The following STK3 variants were observed in gnomAD, a reference collection of about 807,000 sequenced individuals.
STK3 encodes serine/threonine kinase 3.
A neutral mutation model predicts 58.0 loss-of-function variants in STK3; 41 were observed. The ratio of observed to expected loss-of-function variants is 0.71; its 90% CI spans 0.55 to 0.92. The LOEUF (loss-of-function observed/expected upper bound fraction) is 0.92, where lower values mean the gene tolerates loss of function less well. STK3 is among the 40% of genes least tolerant of loss of function. The pLI, the probability that STK3 is intolerant of heterozygous loss-of-function variation, is 0.00. For missense variants in STK3, 479 were observed against 602.7 expected (o/e 0.79, Z 2.15); for synonymous variants, 170 against 191.0 (o/e 0.89, Z 0.91).
chr8:98,811,357 T>C (rs1834203617), intron 1 of STK3, among the ~76,000 whole-genome samples: 1 of 152,202 alleles, frequency 6.6e-6, no homozygotes, highest in East Asian at 1.9e-4. Flanking sequence ...GGTAGCTGTA[T>C]CACTACTAAT....
intron 3 of STK3, among the ~76,000 whole-genome samples, chr8:98,846,625 C>T (rs953061471): frequency 6.6e-5 from 10 of 152,102 alleles, no homozygotes; most frequent in Admixed American, 5.9e-4. Context: ...TTACTTAGTG[C>T]TTGAAATATC....
At chr8:98,635,457 A>G (rs1342518411) in intron 6 of STK3, among the ~76,000 whole-genome samples, 1 of 152,212 alleles carries the variant, frequency 6.6e-6, no homozygotes, top group African/African-American at 2.4e-5. Context: ...TCAAATACTC[A>G]GCAAATAAAG....
At chr8:98,517,699 C>T (rs1463726449) in intron 10 of STK3, among the ~76,000 whole-genome samples, 2 of 152,050 alleles carry the variant, frequency 1.3e-5, no homozygotes, top group Non-Finnish European at 2.9e-5. Context: ...TTACTAGTTT[C>T]CTCAATCAAT....
rs190834174 is a variant in STK3 at position 98,705,760 on chromosome 8, A to G, written c.684+707T>C. ...GCAATAAGTATACAAAGATCAGTGT[A>G]CCTATTTATGATGATGAACTTATCT... On this transcript the variant is annotated intron_variant, in intron 6 of 10. Transcript: ENST00000419617. Among the ~76,000 whole-genome samples, 55 of 152,308 alleles carry G rather than the reference A, an allele frequency of 3.6e-4. 1 individual carries two copies. The highest frequency in any genetic ancestry group is 3.4e-4 in the Non-Finnish European group (23 of 68,022).
intron 10 of STK3, among the ~76,000 whole-genome samples, chr8:98,466,566 G>A (rs977332808): frequency 1.3e-4 from 20 of 152,098 alleles, no homozygotes; most frequent in South Asian, 4.2e-4. Context: ...CCTTCTCGCC[G>A]TCTCTTTCTA....
chr8:98,548,974 T>G (rs1265117807), intron 8 of STK3, among the ~76,000 whole-genome samples: 1 of 152,186 alleles, frequency 6.6e-6, no homozygotes, highest in Admixed American at 6.5e-5. Context: ...TATTCCATTG[T>G]ATGAATACAC....
intron 10 of STK3, among the ~76,000 whole-genome samples, chr8:98,470,564 T>C (rs931559232): frequency 2.6e-5 from 4 of 152,274 alleles, no homozygotes; most frequent in Admixed American, 6.5e-5. Flanking sequence ...TGGACCAAGC[T>C]GTCAAAAGAA....
chr8:98,481,074 G>T (rs1313425312), intron 10 of STK3, among the ~76,000 whole-genome samples: 1 of 151,930 alleles, frequency 6.6e-6, no homozygotes, highest in Non-Finnish European at 1.5e-5. Context: ...TGTTGGGGAG[G>T]TGTATCAGGA....
intron 1 of STK3, among the ~76,000 whole-genome samples, chr8:98,909,205 G>A (rs1386661743): frequency 6.6e-6 from 1 of 152,122 alleles, no homozygotes; most frequent in Non-Finnish European, 1.5e-5. Flanking sequence ...TATCTTATTT[G>A]TGATATACTA....
chr8:98,744,015 T>C (rs995109333), intron 4 of STK3, among the ~76,000 whole-genome samples: 6 of 151,792 alleles, frequency 4.0e-5, no homozygotes, highest in East Asian at 3.9e-4. Flanking sequence ...GAAATGCAAA[T>C]CAAAACCACA....
At chr8:98,673,843 G>C (rs1439735672) in intron 6 of STK3, among the ~76,000 whole-genome samples, 1 of 152,164 alleles carries the variant, frequency 6.6e-6, no homozygotes, top group Non-Finnish European at 1.5e-5. Context: ...AACAATAGCA[G>C]TGATACAAAA....
At chr8:98,883,014 T>A (rs561789070), downstream of STK3, 45 of 152,354 alleles carry the variant, frequency 3.0e-4, no homozygotes, top group African/African-American at 1.0e-3. Context: ...CAGCTTGATT[T>A]GGGATGGTGA....
chr8:98,583,006 T>G (rs1814056463), intron 7 of STK3, among the ~76,000 whole-genome samples: 1 of 152,142 alleles, frequency 6.6e-6, no homozygotes, highest in African/African-American at 2.4e-5. Context: ...TTTATCAATA[T>G]TAAGTGACTC....
At chr8:98,464,054 C>T (rs1820226392) in intron 10 of STK3, among the ~76,000 whole-genome samples, 1 of 152,114 alleles carries the variant, frequency 6.6e-6, no homozygotes. Context: ...ATAAATCTTG[C>T]AGATGCTACA....
chr8:98,363,786 G>A, the STK3 span, among the ~76,000 whole-genome samples: 1 of 152,232 alleles, frequency 6.6e-6, no homozygotes, highest in African/African-American at 2.4e-5. Flanking sequence ...GACTTGAGCA[G>A]TCTCAGGTTG....
intron 3 of STK3, among the ~76,000 whole-genome samples, chr8:98,411,840 T>G (rs1204735813): frequency 2.0e-5 from 3 of 152,142 alleles, no homozygotes; most frequent in African/African-American, 7.2e-5. Flanking sequence ...CCAAGGGAGC[T>G]TCTCTCCCAT....
At chr8:98,654,264 C>T (rs1412574818) in intron 6 of STK3, among the ~76,000 whole-genome samples, 2 of 152,126 alleles carry the variant, frequency 1.3e-5, no homozygotes, top group African/African-American at 4.8e-5. Context: ...GCAGAAAAGG[C>T]CTTTGACAAA....
intron 1 of STK3, among the ~76,000 whole-genome samples, chr8:98,387,890 G>A (rs201224254): frequency 1.5e-4 from 10 of 67,854 alleles, no homozygotes; most frequent in Non-Finnish European, 2.5e-4. Flanking sequence ...TTTTTTTTTT[G>A]TCAGATACGG....
At chr8:98,854,518 GA>G (rs1423032875) in intron 3 of STK3, among the ~76,000 whole-genome samples, 1 of 151,932 alleles carries the variant, frequency 6.6e-6, no homozygotes, top group Non-Finnish European at 1.5e-5. Flanking sequence ...GTTAACAAAT[GA>G]ATTCAGCAAT....
Sources: gnomAD v4.1 joint callset for allele counts (sites outside exome capture counted in the v4.1 genomes callset) on GRCh38, gnomAD v4.1.1 for gene constraint, MANE v1.5 for transcripts, NCBI Gene and HGNC (gene_info 2026-07-23, HGNC 2026-07-21) for gene names.